The following PRKAG2 variants were observed in gnomAD, a reference collection of about 807,000 sequenced individuals.
PRKAG2 encodes the protein 5'-AMP-activated protein kinase subunit gamma-2.
A neutral mutation model predicts 69.6 loss-of-function variants in PRKAG2; 26 were observed. That is an observed-to-expected ratio of 0.37 (90% confidence interval 0.27 to 0.52). PRKAG2 has a LOEUF of 0.52. Among genes scored for constraint, PRKAG2 ranks in the 20% least tolerant of loss-of-function variants. The pLI is 0.90. For missense variants in PRKAG2, 557 were observed against 740.0 expected, an observed-to-expected ratio of 0.75 and a Z score of 2.87; for synonymous variants, 293 against 285.0, an observed-to-expected ratio of 1.03 and a Z score of -0.28.
At chr7:151,753,948 C>T (rs1047787072) in intron 3 of PRKAG2, among the ~76,000 whole-genome samples, 11 of 152,204 alleles carry the variant, frequency 7.2e-5, no homozygotes, top group Non-Finnish European at 1.0e-4. Context: ...GTAGGAGAAT[C>T]GCTTGAGTTG....
intron 1 of PRKAG2, among the ~76,000 whole-genome samples, chr7:151,815,462 C>T (rs2078613970): frequency 6.6e-6 from 1 of 152,174 alleles, no homozygotes; most frequent in Non-Finnish European, 1.5e-5. Flanking sequence ...TCACCCACTA[C>T]CCAAATCACC....
chr7:151,608,188 C>T (rs1817965597), intron 5 of PRKAG2, among the ~76,000 whole-genome samples: 1 of 152,136 alleles, frequency 6.6e-6, no homozygotes. Flanking sequence ...GAAGGAACCA[C>T]CCCTGCTGAG....
At chr7:151,861,467 G>T (rs2079920300) in intron 1 of PRKAG2, among the ~76,000 whole-genome samples, 1 of 145,094 alleles carries the variant, frequency 6.9e-6, no homozygotes, top group Non-Finnish European at 1.5e-5. Flanking sequence ...GGCTGAGGTT[G>T]CAGTGAGCCA....
rs1207903120 is a variant in PRKAG2 at position 151,855,223 on chromosome 7, G to GCTCCACACACACCGCC, written c.114+21268_114+21283dup. Among the ~76,000 whole-genome samples the GCTCCACACACACCGCC allele has an allele frequency of 4.9e-3, 23 of 4,650 alleles. 4 individuals carry two copies. Among genetic ancestry groups the GCTCCACACACACCGCC allele is most frequent in the East Asian group, 0.042 (1 of 24 alleles). 3.1% of individuals were successfully genotyped at this position (4,650 alleles called of 152,430 possible). A position where few individuals can be genotyped will look rare whatever the true frequency, so the allele number is the denominator to read the frequency against. ...ACACACCACCCTCCACACACACCAC[G>GCTCCACACACACCGCC]CTCCACACACACCGCCCTCCACACA... On this transcript the variant is annotated intron_variant, in intron 1 of 15. Coordinates refer to ENST00000287878, the MANE Select transcript of PRKAG2 (RefSeq NM_016203.4).
At chr7:151,626,272 C>T (rs1822883922) in intron 5 of PRKAG2, among the ~76,000 whole-genome samples, 1 of 152,178 alleles carries the variant, frequency 6.6e-6, no homozygotes, top group African/African-American at 2.4e-5. Flanking sequence ...TCTATCTACT[C>T]CAAGACAACA....
At chr7:151,684,960 C>T (rs144642620) in intron 3 of PRKAG2, among the ~76,000 whole-genome samples, 171 of 152,270 alleles carry the variant, frequency 1.1e-3, no homozygotes, top group East Asian at 5.4e-3. Flanking sequence ...AGGTGCCACA[C>T]GTCAGTTCAT....
intron 6 of PRKAG2, among the ~76,000 whole-genome samples, chr7:151,593,863 G>C (rs1201930171): frequency 6.6e-6 from 1 of 152,172 alleles, no homozygotes; most frequent in East Asian, 1.9e-4. Context: ...ATTTCCATAC[G>C]TTAACAAGAA....
chr7:151,869,550 G>C (rs2080163535), intron 1 of PRKAG2, among the ~76,000 whole-genome samples: 1 of 152,266 alleles, frequency 6.6e-6, no homozygotes, highest in African/African-American at 2.4e-5. Flanking sequence ...TGACTCTGCA[G>C]GCCCATGGGT....
intron 1 of PRKAG2, among the ~76,000 whole-genome samples, chr7:151,853,801 CA>C (rs1222378510): frequency 3.3e-5 from 5 of 151,206 alleles, no homozygotes; most frequent in Admixed American, 2.6e-4. Flanking sequence ...CTATTCCACG[CA>C]GTTTAACCTA....
Position 151,786,530 on chromosome 7 carries a change from G to A in PRKAG2, c.126C>T (p.Ser42=). Residue 42 remains serine, a synonymous_variant, in exon 2 of 16, where the codon TCC becomes TCT. Coordinates refer to ENST00000287878, the MANE Select transcript of PRKAG2 (RefSeq NM_016203.4). ...CTCCGTCCAGGAGCGGCATGGCGAA[G>A]GAGCTCAGGTCCTAGGGTGGACAGA... ...SLRVHIPDLS[S]FAMPLLDGDL... is the part of the protein sequence containing the mutation. 6.2e-7 allele frequency: 1 copy of A among 1,612,760 alleles called. No individual in the cohort carries two copies.
intron 3 of PRKAG2, among the ~76,000 whole-genome samples, chr7:151,732,696 A>G (rs2429832): frequency 0.69 from 104,830 of 151,984 alleles, 37,221 homozygotes; most frequent in East Asian, 0.91. Context: ...AGGCACCCAG[A>G]GTGGTTTTTC....
Position 151,699,915 on chromosome 7 carries a change from T to C in PRKAG2, c.467-24278A>G, listed in dbSNP as rs1415306079. ...GAAGAAGGGAGTAGAGGGGCAGTGC[T>C]CTGCTGCCACAGGCGGCCGCAGATG... On this transcript the variant is annotated intron_variant, in intron 3 of 15. Transcript: ENST00000287878. The surrounding 1 kb of genome is among the most constrained non-coding windows in gnomAD (Gnocchi z 4.5). 5.3e-5 allele frequency among the ~76,000 whole-genome samples: 8 copies of C among 152,144 alleles called. No individual in the cohort carries two copies. The highest frequency in any genetic ancestry group is 1.2e-4 in the Non-Finnish European group (8 of 68,024).
At chr7:151,689,776 C>G in intron 3 of PRKAG2, among the ~76,000 whole-genome samples, 1 of 152,160 alleles carries the variant, frequency 6.6e-6, no homozygotes, top group East Asian at 1.9e-4. Context: ...CCGGCAGGCC[C>G]TCTGGGTGTC....
chr7:151,726,927 T>C (rs1798071297), intron 3 of PRKAG2, among the ~76,000 whole-genome samples: 1 of 152,058 alleles, frequency 6.6e-6, no homozygotes, highest in Non-Finnish European at 1.5e-5. Context: ...ATCAAAAAGG[T>C]GATACTGGCT....
chr7:151,688,589 C>T (rs1348001463), intron 3 of PRKAG2, among the ~76,000 whole-genome samples: 1 of 152,194 alleles, frequency 6.6e-6, no homozygotes, highest in African/African-American at 2.4e-5. Flanking sequence ...GGGAACTCCG[C>T]GGCGGGCTCC....
chr7:151,830,444 G>A (rs996174891), intron 1 of PRKAG2, among the ~76,000 whole-genome samples: 3 of 151,938 alleles, frequency 2.0e-5, no homozygotes, highest in African/African-American at 7.2e-5. Context: ...AGCCAAGCCC[G>A]GGGTCTGAGC....
chr7:151,795,846 C>CATATATATAT (rs55657994), intron 1 of PRKAG2, among the ~76,000 whole-genome samples: 11 of 56,790 alleles, frequency 1.9e-4, no homozygotes, highest in Non-Finnish European at 3.0e-4. Context: ...AAACAAATCT[C>CATATATATAT]ATATATATAT....
chr7:151,702,802 G>A (rs1837943240), intron 3 of PRKAG2, among the ~76,000 whole-genome samples: 2 of 152,222 alleles, frequency 1.3e-5, no homozygotes, highest in Non-Finnish European at 2.9e-5. Context: ...GAGGGGATGA[G>A]GTGATGGCAA....
At chr7:151,562,954 CAAA>C (rs35394134) in intron 14 of PRKAG2, among the ~76,000 whole-genome samples, 9 of 113,332 alleles carry the variant, frequency 7.9e-5, no homozygotes, top group Admixed American at 1.9e-4. Flanking sequence ...GACTCCGTCT[CAAA>C]AAAAAAAAAA....
Sources: gnomAD v4.1 joint callset for allele counts (sites outside exome capture counted in the v4.1 genomes callset) on GRCh38, gnomAD v4.1.1 for gene constraint, Gnocchi (gnomAD v3.1) non-coding constraint, MANE v1.5 for transcripts, NCBI Gene and HGNC (gene_info 2026-07-23, HGNC 2026-07-21) for gene names.